SYT9: variants seen among roughly 807,000 people sequenced by gnomAD.
SYT9 encodes the protein synaptotagmin-9.
In SYT9, 22 loss-of-function variants were observed where a neutral mutation model predicts 48.4. The observed-to-expected ratio is 0.45, with a 90% confidence interval of 0.32 to 0.65. SYT9 has a LOEUF of 0.65. SYT9 is among the 30% of genes least tolerant of loss of function. The pLI is 0.03. For missense variants in SYT9, 577 were observed against 622.0 expected (o/e 0.93, Z 0.77); for synonymous variants, 265 against 245.0 (o/e 1.08, Z -0.76).
intron 3 of SYT9, among the ~76,000 whole-genome samples, chr11:7,331,814 C>G (rs1403843982): frequency 6.6e-6 from 1 of 152,192 alleles, no homozygotes; most frequent in Non-Finnish European, 1.5e-5. Context: ...GTGTGCTCTT[C>G]AAGCATCCTA....
rs1396099283 is a variant in SYT9 at position 7,252,872 on chromosome 11, G to T, written c.145+541G>T. Among the ~76,000 whole-genome samples the T allele has an allele frequency of 2.0e-5, 3 of 152,222 alleles. No homozygotes were observed. The highest frequency in any genetic ancestry group is 4.4e-5 in the Non-Finnish European group (3 of 68,046). On this transcript the variant is annotated intron_variant, in intron 1 of 6. Coordinates refer to ENST00000318881, the MANE Select transcript of SYT9 (RefSeq NM_175733.4). The surrounding 1 kb of genome is among the most constrained non-coding windows in gnomAD (Gnocchi z 6.3). ...CGATCCGGCGTTGGGCCGGGGACAG[G>T]GTGCTTCTGGCCTTGGGCAGACGGG... is the stretch of plus-strand genomic sequence containing the variant.
At chr11:7,243,691 T>C (rs189923721) in intron 1 of SYT9, among the ~76,000 whole-genome samples, 1 of 152,344 alleles carries the variant, frequency 6.6e-6, no homozygotes, top group Admixed American at 6.5e-5. Flanking sequence ...AGATTCATTT[T>C]CATCACTGGG....
At chr11:7,284,450 C>T (rs763060779) in intron 1 of SYT9, among the ~76,000 whole-genome samples, 29 of 152,040 alleles carry the variant, frequency 1.9e-4, no homozygotes, top group Non-Finnish European at 3.8e-4. Context: ...TCTAAAAATG[C>T]TCTTATTTTG....
At chr11:7,272,809 G>C (rs527526591) in intron 1 of SYT9, among the ~76,000 whole-genome samples, 2 of 152,162 alleles carry the variant, frequency 1.3e-5, no homozygotes, top group Non-Finnish European at 2.9e-5. Context: ...AGTGTCATGG[G>C]AATGAGTGTT....
chr11:7,435,123 G>A (rs1172850772), intron 6 of SYT9: 1 of 152,270 alleles, frequency 6.6e-6, no homozygotes, highest in Non-Finnish European at 1.5e-5. Context: ...TTTGAGTCCA[G>A]GCAGAATCTA....
At chr11:7,461,536 C>A (rs57897868) in intron 6 of SYT9, among the ~76,000 whole-genome samples, 47,215 of 151,906 alleles carry the variant, frequency 0.31, 8,218 homozygotes, top group African/African-American at 0.46. Flanking sequence ...CTACACCCAG[C>A]TAATTTTTGT....
At position 7,263,827 on chromosome 11, in the gene SYT9, A is replaced by G. The variant is rs1338903714; in HGVS notation, c.145+11496A>G. On this transcript the variant is annotated intron_variant, in intron 1 of 6. Coordinates refer to ENST00000318881, the MANE Select transcript of SYT9 (RefSeq NM_175733.4). ...TAGAGTCTTTCTAAAAGAGAATGAG[A>G]GGAGAGAAATTGAGAGAAAAGAGTA... 2.7e-5 allele frequency among the ~76,000 whole-genome samples: 4 copies of G among 149,062 alleles called. No individual in the cohort carries two copies. In the East Asian group the frequency reaches 7.7e-4, roughly 29 times the overall value.
chr11:7,319,408 C>T (rs1405351903), intron 3 of SYT9, among the ~76,000 whole-genome samples: 2 of 65,734 alleles, frequency 3.0e-5, no homozygotes, highest in African/African-American at 7.8e-5. Context: ...ACTATCATTT[C>T]ATTGTCTTCT....
intron 3 of SYT9, among the ~76,000 whole-genome samples, chr11:7,410,251 G>C (rs1050654293): frequency 6.6e-6 from 1 of 152,098 alleles, no homozygotes; most frequent in African/African-American, 2.4e-5. Flanking sequence ...ATCGTTTTGT[G>C]ACCTAACATA....
intron 1 of SYT9, among the ~76,000 whole-genome samples, chr11:7,293,188 A>G (rs1386350393): frequency 6.6e-6 from 1 of 152,240 alleles, no homozygotes; most frequent in African/African-American, 2.4e-5. Context: ...TAACATAGGC[A>G]GAATCATCTG....
chr11:7,323,512 T>C (rs951344232), intron 3 of SYT9, among the ~76,000 whole-genome samples: 1 of 151,978 alleles, frequency 6.6e-6, no homozygotes, highest in African/African-American at 2.4e-5. Context: ...CAAATGCCAG[T>C]GGAGTAAACC....
intron 3 of SYT9, among the ~76,000 whole-genome samples, chr11:7,333,322 A>T (rs1849575943): frequency 6.6e-6 from 1 of 152,194 alleles, no homozygotes; most frequent in African/African-American, 2.4e-5. Context: ...AATCTAGGCC[A>T]CTGCTTTGCT....
intron 6 of SYT9, among the ~76,000 whole-genome samples, chr11:7,453,780 G>A (rs985205507): frequency 9.9e-5 from 15 of 152,192 alleles, no homozygotes; most frequent in Admixed American, 3.9e-4. Flanking sequence ...AAGGACCAGC[G>A]TGGCCTGTCC....
intron 6 of SYT9, chr11:7,440,124 C>CA (rs1847801794): frequency 6.6e-6 from 1 of 152,286 alleles, no homozygotes. Context: ...CCTGAAGACT[C>CA]ACCAGAACAC....
intron 6 of SYT9, among the ~76,000 whole-genome samples, chr11:7,428,363 T>C (rs1174667298): frequency 6.6e-6 from 1 of 152,200 alleles, no homozygotes; most frequent in East Asian, 1.9e-4. Context: ...GCTTGAGCCA[T>C]CAGCTGTCTC....
intron 3 of SYT9, among the ~76,000 whole-genome samples, chr11:7,360,658 G>C (rs186916544): frequency 6.6e-6 from 1 of 152,172 alleles, no homozygotes; most frequent in Admixed American, 6.5e-5. Context: ...CATTTCTTCA[G>C]ATTTTTATAG....
At chr11:7,241,125 T>C (rs1390036461) in intron 1 of SYT9, among the ~76,000 whole-genome samples, 5 of 152,082 alleles carry the variant, frequency 3.3e-5, no homozygotes, top group Non-Finnish European at 7.3e-5. Flanking sequence ...TTGCAACAGA[T>C]AGAGTCCATT....
At chr11:7,440,887 G>A (rs1027186387) in intron 6 of SYT9, 24 of 152,230 alleles carry the variant, frequency 1.6e-4, no homozygotes, top group African/African-American at 5.3e-4. Flanking sequence ...AGGAGGAAGA[G>A]TAAGACAACA....
At chr11:7,339,065 G>C (rs548195179) in intron 3 of SYT9, among the ~76,000 whole-genome samples, 1 of 152,226 alleles carries the variant, frequency 6.6e-6, no homozygotes, top group South Asian at 2.1e-4. Flanking sequence ...ATTAGGTCTT[G>C]TTAAATTGAA....
Sources: allele counts gnomAD v4.1 joint callset (sites outside exome capture counted in the v4.1 genomes callset), GRCh38; gene constraint gnomAD v4.1.1; non-coding constraint Gnocchi (gnomAD v3.1); transcripts MANE v1.5; gene names NCBI Gene and HGNC (gene_info 2026-07-23, HGNC 2026-07-21).